The following NKAIN2 variants were observed in gnomAD, a reference collection of about 807,000 sequenced individuals.
The protein encoded by NKAIN2 is sodium/potassium transporting ATPase interacting 2.
A neutral mutation model predicts 32.6 loss-of-function variants in NKAIN2; 14 were observed. The ratio of observed to expected loss-of-function variants is 0.43; its 90% CI spans 0.28 to 0.67. The LOEUF (loss-of-function observed/expected upper bound fraction) is 0.67. Among genes scored for constraint, NKAIN2 ranks in the 30% least tolerant of loss-of-function variants. The pLI is 0.17. For synonymous variants in NKAIN2, 80 were observed against 87.2 expected (o/e 0.92, Z 0.46); for missense variants, 198 against 258.3 (o/e 0.77, Z 1.60).
chr6:124,244,235 C>A (rs961066592), intron 1 of NKAIN2, among the ~76,000 whole-genome samples: 1 of 107,080 alleles, frequency 9.3e-6, no homozygotes, highest in Non-Finnish European at 1.8e-5. Context: ...AGCTATCCCT[C>A]CCCCCTCCCC....
intron 1 of NKAIN2, among the ~76,000 whole-genome samples, chr6:124,193,001 G>T (rs953292534): frequency 6.6e-6 from 1 of 151,982 alleles, no homozygotes; most frequent in Non-Finnish European, 1.5e-5. Context: ...CGCTCGCCTT[G>T]GCCTCCTAAA....
chr6:124,631,382 C>T (rs1240291072), intron 3 of NKAIN2, among the ~76,000 whole-genome samples: 2 of 152,034 alleles, frequency 1.3e-5, no homozygotes, highest in African/African-American at 4.8e-5. Flanking sequence ...AGACTGATAT[C>T]CTGAGAAGTT....
chr6:124,085,354 C>T (rs1055807525), intron 1 of NKAIN2, among the ~76,000 whole-genome samples: 1 of 151,924 alleles, frequency 6.6e-6, no homozygotes, highest in Non-Finnish European at 1.5e-5. Context: ...ACTGAATGGC[C>T]AGTCAAGAAC....
At chr6:124,141,780 A>C (rs1562381829) in intron 1 of NKAIN2, among the ~76,000 whole-genome samples, 2 of 152,234 alleles carry the variant, frequency 1.3e-5, no homozygotes, top group East Asian at 3.9e-4. Context: ...TGAGGTGCAC[A>C]TTCCCACTCC....
chr6:124,803,847 C>T (rs1269932248), intron 5 of NKAIN2, among the ~76,000 whole-genome samples: 1 of 152,152 alleles, frequency 6.6e-6, no homozygotes, highest in African/African-American at 2.4e-5. Context: ...AAGCATAATT[C>T]CAATCATTCC....
intron 4 of NKAIN2, among the ~76,000 whole-genome samples, chr6:124,723,187 A>G (rs571229907): frequency 1.8e-4 from 27 of 152,340 alleles, no homozygotes; most frequent in African/African-American, 6.5e-4. Context: ...GTCACTTTGC[A>G]TGTGAATACA....
intron 3 of NKAIN2, among the ~76,000 whole-genome samples, chr6:124,598,731 T>G (rs1782193083): frequency 6.6e-6 from 1 of 152,030 alleles, no homozygotes. Context: ...CCATAGCACT[T>G]AAGAACCTAA....
intron 3 of NKAIN2, among the ~76,000 whole-genome samples, chr6:124,627,628 G>A (rs983846211): frequency 6.6e-6 from 1 of 152,092 alleles, no homozygotes. Context: ...CTTTGTGCAA[G>A]TCTGAATTCT....
chr6:124,693,988 AAC>A (rs1451071316), intron 4 of NKAIN2, among the ~76,000 whole-genome samples: 1 of 152,204 alleles, frequency 6.6e-6, no homozygotes, highest in Non-Finnish European at 1.5e-5. Context: ...TAATTTGTAA[AAC>A]ACATTTTTAT....
At chr6:124,687,177 C>T (rs1167567110) in intron 4 of NKAIN2, among the ~76,000 whole-genome samples, 1 of 144,986 alleles carries the variant, frequency 6.9e-6, no homozygotes, top group Non-Finnish European at 1.5e-5. Flanking sequence ...TATATATATT[C>T]CATATACATA....
At chr6:124,478,549 A>T (rs905726710) in intron 3 of NKAIN2, among the ~76,000 whole-genome samples, 4 of 152,244 alleles carry the variant, frequency 2.6e-5, no homozygotes, top group African/African-American at 9.6e-5. Flanking sequence ...GGTATGTCAA[A>T]GGGACATTGC....
chr6:123,823,671 A>G (rs1244542026), intron 1 of NKAIN2, among the ~76,000 whole-genome samples: 1 of 152,136 alleles, frequency 6.6e-6, no homozygotes. Flanking sequence ...CAGAAATGCC[A>G]CTCAGGGGAT....
At chr6:124,202,448 A>G (rs1790638752) in intron 1 of NKAIN2, among the ~76,000 whole-genome samples, 2 of 151,508 alleles carry the variant, frequency 1.3e-5, no homozygotes. Context: ...GGACTGAGTG[A>G]ATAAAAGAAT....
intron 2 of NKAIN2, among the ~76,000 whole-genome samples, chr6:124,353,606 T>C (rs1021819547): frequency 3.9e-5 from 6 of 151,944 alleles, no homozygotes; most frequent in Admixed American, 1.3e-4. Flanking sequence ...TACAAAAAAA[T>C]TAGCCGGGCA....
At chr6:124,221,878 C>T (rs1046614692) in intron 1 of NKAIN2, among the ~76,000 whole-genome samples, 1 of 152,160 alleles carries the variant, frequency 6.6e-6, no homozygotes, top group Non-Finnish European at 1.5e-5. Flanking sequence ...TGAGTGTTCG[C>T]TCTAGTTTGC....
intron 3 of NKAIN2, among the ~76,000 whole-genome samples, chr6:124,365,540 TA>T (rs1244280138): frequency 1.3e-5 from 2 of 151,638 alleles, no homozygotes; most frequent in African/African-American, 4.8e-5. Flanking sequence ...GTATATGAAG[TA>T]AAAATTAATA....
At chr6:124,298,831 T>C (rs6903285) in intron 2 of NKAIN2, among the ~76,000 whole-genome samples, 1 of 151,934 alleles carries the variant, frequency 6.6e-6, no homozygotes, top group Admixed American at 6.6e-5. Context: ...TGGTTTCATG[T>C]AAGGGCTGCT....
chr6:124,368,112 T>A (rs1283644548), intron 3 of NKAIN2, among the ~76,000 whole-genome samples: 1 of 152,154 alleles, frequency 6.6e-6, no homozygotes, highest in Non-Finnish European at 1.5e-5. Flanking sequence ...AAGGTGGATC[T>A]GACTCCAAAA....
intron 3 of NKAIN2, among the ~76,000 whole-genome samples, chr6:124,470,795 C>T (rs1346460878): frequency 1.3e-5 from 2 of 151,842 alleles, no homozygotes; most frequent in Non-Finnish European, 2.9e-5. Context: ...AGCAAAAAAA[C>T]AAGAACAGAA....
Sources: allele counts gnomAD v4.1 joint callset (sites outside exome capture counted in the v4.1 genomes callset), GRCh38; gene constraint gnomAD v4.1.1; transcripts MANE v1.5; gene names NCBI Gene and HGNC (gene_info 2026-07-23, HGNC 2026-07-21).